The following PITPNM3 variants were observed in gnomAD, a reference collection of about 807,000 sequenced individuals.
PITPNM3 encodes the protein membrane-associated phosphatidylinositol transfer protein 3.
A neutral mutation model predicts 102.0 loss-of-function variants in PITPNM3; 26 were observed. That is an observed-to-expected ratio of 0.25 (90% CI 0.19 to 0.35). The LOEUF is 0.35. Ranked by LOEUF, PITPNM3 falls within the 10% of genes least tolerant of loss-of-function variation. The probability of loss-of-function intolerance (pLI) is 1.00; values close to 1 mark genes in which losing one functional copy is unlikely to be tolerated. For synonymous variants in PITPNM3, 578 were observed against 558.6 expected, an observed-to-expected ratio of 1.03 and a Z score of -0.49; for missense variants, 1,083 against 1,346.1, an observed-to-expected ratio of 0.80 and a Z score of 3.06.
intron 16 of PITPNM3, 62 bp downstream of exon 16, chr17:6,464,108 G>A (rs2150718212): frequency 1.2e-6 from 2 of 1,610,590 alleles, no homozygotes; most frequent in Non-Finnish European, 1.7e-6. Context: ...CTCTAGACAG[G>A]CCTGGCTGGA....
chr17:6,548,160 CA>C (rs1910125651), intron 1 of PITPNM3, among the ~76,000 whole-genome samples: 2 of 152,142 alleles, frequency 1.3e-5, no homozygotes, highest in Non-Finnish European at 2.9e-5. Flanking sequence ...CAGCAAGAGC[CA>C]ATGTGACCCC....
At chr17:6,499,875 C>T (rs976317933) in intron 4 of PITPNM3, among the ~76,000 whole-genome samples, 5 of 152,072 alleles carry the variant, frequency 3.3e-5, no homozygotes, top group East Asian at 1.9e-4. Flanking sequence ...GGATTACAGG[C>T]GCATGCCACC....
chr17:6,556,366 TC>T lies in PITPNM3; in HGVS notation c.22+18del. On this transcript the variant is annotated intron_variant, in intron 1 of 19. Coordinates refer to ENST00000262483, the MANE Select transcript of PITPNM3 (RefSeq NM_031220.4). This position sits in a 1 kb window ranked among gnomAD's most constrained non-coding sequence, Gnocchi z 5.2. The stretch of plus-strand genomic sequence containing the variant: ...CCTCCCCCGGGCCCCGGCCCTGCCC[TC>T]CCCGCGCCCGCCCTCACCTGCACGG... 1 of 1,230,568 alleles carries T rather than the reference TC, an allele frequency of 8.1e-7. No homozygotes were observed. The highest frequency in any genetic ancestry group is 2.9e-5 in the Admixed American group (1 of 34,494). The allele number at this position is 1,230,568 out of a possible 1,614,324, so 76.2% of individuals were successfully genotyped here. A position where few individuals can be genotyped will look rare whatever the true frequency, so the allele number is the denominator to read the frequency against.
intron 1 of PITPNM3, among the ~76,000 whole-genome samples, chr17:6,549,500 G>A (rs1035428685): frequency 5.3e-5 from 8 of 152,168 alleles, no homozygotes; most frequent in African/African-American, 1.4e-4. Flanking sequence ...ATGGACAGAG[G>A]AGGCTTCTGC....
chr17:6,506,737 C>G (rs1907535018), intron 3 of PITPNM3, among the ~76,000 whole-genome samples: 1 of 152,150 alleles, frequency 6.6e-6, no homozygotes, highest in African/African-American at 2.4e-5. Flanking sequence ...GCAGGCCCTC[C>G]CAGGCCCCAG....
intron 18 of PITPNM3, among the ~76,000 whole-genome samples, chr17:6,461,169 C>T (rs1036134895): frequency 6.6e-5 from 10 of 152,308 alleles, no homozygotes; most frequent in Admixed American, 2.0e-4. Context: ...GGCAAGTTGC[C>T]GGAGCCTCAC....
chr17:6,474,109 G>C (rs1323154376), intron 10 of PITPNM3, among the ~76,000 whole-genome samples: 2 of 152,030 alleles, frequency 1.3e-5, no homozygotes, highest in Admixed American at 1.3e-4. Context: ...GAGAAGGAGA[G>C]GGTGGGAGGC....
chr17:6,534,243 A>G (rs1909293283), intron 2 of PITPNM3, among the ~76,000 whole-genome samples: 1 of 152,130 alleles, frequency 6.6e-6, no homozygotes, highest in Admixed American at 6.5e-5. Context: ...CCCACCCTGC[A>G]GCATCTAATC....
At chr17:6,553,239 C>T (rs1026115959) in intron 1 of PITPNM3, among the ~76,000 whole-genome samples, 1 of 152,124 alleles carries the variant, frequency 6.6e-6, no homozygotes, top group Non-Finnish European at 1.5e-5. Flanking sequence ...CCCACCCCTG[C>T]CCCCACCTCC....
At position 6,457,309 on chromosome 17, in the gene PITPNM3, G is replaced by A. The variant is rs558595010; in HGVS notation, c.2619+285C>T. Among the ~76,000 whole-genome samples, 10 of 152,236 alleles carry A rather than the reference G, an allele frequency of 6.6e-5. No homozygotes were observed. Among genetic ancestry groups the A allele is most frequent in the East Asian group, 3.9e-4 (2 of 5,178 alleles). ...GGGCCCCACAGTTCCCTGTGCTCCCGTCATACATCATGGCACTTGTTACAC... is the reference window on the plus strand; with the variant it reads ...GGGCCCCACAGTTCCCTGTGCTCCCATCATACATCATGGCACTTGTTACAC... On this transcript the variant is annotated intron_variant, in intron 19 of 19. Coordinates refer to ENST00000262483, the MANE Select transcript of PITPNM3 (RefSeq NM_031220.4). This position sits in a 1 kb window ranked among gnomAD's most constrained non-coding sequence, Gnocchi z 4.7.
chr17:6,505,042 C>T (rs1044269893), intron 3 of PITPNM3, among the ~76,000 whole-genome samples: 6 of 151,854 alleles, frequency 4.0e-5, no homozygotes, highest in Non-Finnish European at 5.9e-5. Context: ...GGCGTGGTGG[C>T]GCATATCTAT....
intron 8 of PITPNM3, among the ~76,000 whole-genome samples, 186 bp from the exon 9 acceptor site, chr17:6,477,399 C>T (rs1041463536): frequency 5.9e-5 from 9 of 152,142 alleles, no homozygotes; most frequent in African/African-American, 1.7e-4. Flanking sequence ...GGCTCTCTCC[C>T]GCATCCACCG....
At chr17:6,466,962 G>A (rs1904805099) in intron 14 of PITPNM3, among the ~76,000 whole-genome samples, 1 of 151,598 alleles carries the variant, frequency 6.6e-6, no homozygotes, top group Non-Finnish European at 1.5e-5. Flanking sequence ...TACTTGGGAG[G>A]CTGAGGTAGA....
At chr17:6,524,412 G>A (rs1254830659) in intron 3 of PITPNM3, among the ~76,000 whole-genome samples, 2 of 152,202 alleles carry the variant, frequency 1.3e-5, no homozygotes, top group Admixed American at 1.3e-4. Context: ...CATCCCAGAT[G>A]TGGGTCTAGC....
intron 9 of PITPNM3, among the ~76,000 whole-genome samples, chr17:6,475,261 A>T (rs1905250768): frequency 6.6e-6 from 1 of 152,146 alleles, no homozygotes; most frequent in Admixed American, 6.5e-5. Context: ...TGTGAGACAC[A>T]CAGAATTCCA....
intron 9 of PITPNM3, among the ~76,000 whole-genome samples, chr17:6,474,916 C>T (rs1279307069): frequency 1.3e-5 from 2 of 152,176 alleles, no homozygotes; most frequent in Non-Finnish European, 2.9e-5. Flanking sequence ...CATAAAAGCG[C>T]CCATGGACAG....
intron 6 of PITPNM3, among the ~76,000 whole-genome samples, chr17:6,482,410 G>C (rs576934356): frequency 1.9e-3 from 282 of 152,240 alleles, no homozygotes; most frequent in African/African-American, 6.5e-3. Context: ...GGCACACCTA[G>C]GGAAGCTCCG....
intron 3 of PITPNM3, among the ~76,000 whole-genome samples, chr17:6,506,182 C>T (rs2150612865): frequency 6.6e-6 from 1 of 152,114 alleles, no homozygotes; most frequent in South Asian, 2.1e-4. Flanking sequence ...CCACCAAAAC[C>T]AGCTGCATAA....
At chr17:6,499,826 G>A (rs957387019) in intron 4 of PITPNM3, among the ~76,000 whole-genome samples, 2 of 152,200 alleles carry the variant, frequency 1.3e-5, no homozygotes, top group African/African-American at 4.8e-5. Flanking sequence ...CACCTCCTGG[G>A]TTCAAGCGAT....
Sources: allele counts gnomAD v4.1 joint callset (sites outside exome capture counted in the v4.1 genomes callset), GRCh38; gene constraint gnomAD v4.1.1; non-coding constraint Gnocchi (gnomAD v3.1); transcripts MANE v1.5; gene names NCBI Gene and HGNC (gene_info 2026-07-23, HGNC 2026-07-21).